DIS3L2: variants seen among roughly 807,000 people sequenced by gnomAD.
The protein encoded by DIS3L2 is DIS3-like exonuclease 2.
Under a neutral mutation model 97.5 loss-of-function variants are expected in DIS3L2, and 34 were observed. That is an observed-to-expected ratio of 0.35 (90% CI 0.27 to 0.46). DIS3L2 has a LOEUF of 0.46. Among genes scored for constraint, DIS3L2 ranks in the 20% least tolerant of loss-of-function variants. The pLI is 1.00. For synonymous variants in DIS3L2, 435 were observed against 445.2 expected (o/e 0.98, Z 0.29); for missense variants, 1,038 against 1,146.0 (o/e 0.91, Z 1.36).
At chr2:232,235,830 G>A (rs182771905) in intron 10 of DIS3L2, among the ~76,000 whole-genome samples, 21 of 152,254 alleles carry the variant, frequency 1.4e-4, no homozygotes, top group African/African-American at 4.6e-4. Context: ...GAGACTCTTG[G>A]CTGAATTCAC....
At chr2:232,010,321 A>C (rs1694162599) in intron 1 of DIS3L2, among the ~76,000 whole-genome samples, 1 of 150,864 alleles carries the variant, frequency 6.6e-6, no homozygotes, top group African/African-American at 2.4e-5. Flanking sequence ...TCTGTCTCTC[A>C]TTTTTGAACA....
chr2:232,203,860 G>A (rs1300909769), intron 9 of DIS3L2, among the ~76,000 whole-genome samples: 2 of 152,170 alleles, frequency 1.3e-5, no homozygotes, highest in African/African-American at 4.8e-5. Flanking sequence ...TTAGACATTG[G>A]AGATTGGTAG....
chr2:232,336,390 G>A (rs761380908), intron 20 of DIS3L2, 79 bp from the exon 21 acceptor site: 1 of 1,552,416 alleles, frequency 6.4e-7, no homozygotes, highest in Admixed American at 1.9e-5. Context: ...CAGGGGTCCT[G>A]CTGCAGGGAT....
At chr2:232,333,186 C>T (rs550329057) in intron 16 of DIS3L2, among the ~76,000 whole-genome samples, 7 of 16,000 alleles carry the variant, frequency 4.4e-4, no homozygotes, top group South Asian at 6.0e-3. Flanking sequence ...GCCTCCTCCT[C>T]CTCCTCCTCC....
At chr2:232,101,435 A>C (rs1247128995) in intron 6 of DIS3L2, among the ~76,000 whole-genome samples, 1 of 152,184 alleles carries the variant, frequency 6.6e-6, no homozygotes, top group Non-Finnish European at 1.5e-5. Context: ...TATGTGGATA[A>C]CTATTTGTAC....
intron 5 of DIS3L2, among the ~76,000 whole-genome samples, chr2:232,070,981 G>A (rs1696000029): frequency 6.6e-6 from 1 of 152,128 alleles, no homozygotes; most frequent in Non-Finnish European, 1.5e-5. Context: ...TGGGAACAGT[G>A]TCCAGAGGCC....
At chr2:232,090,592 G>T (rs1696807906) in intron 6 of DIS3L2, among the ~76,000 whole-genome samples, 1 of 152,204 alleles carries the variant, frequency 6.6e-6, no homozygotes, top group Non-Finnish European at 1.5e-5. Flanking sequence ...CCATTAGGAT[G>T]TTAGTACTTT....
chr2:232,329,785 T>TGCCCGGGGGGGGCC, intron 14 of DIS3L2, 28 bp from the exon 15 acceptor site: 328 of 966,996 alleles, frequency 3.4e-4, no homozygotes, highest in Non-Finnish European at 4.2e-4. Context: ...ACCCCAGCGG[T>TGCCCGGGGGGGGCC]CCCTCCCATC....
chr2:232,147,370 AGTTT>A (rs1690248063), intron 8 of DIS3L2, among the ~76,000 whole-genome samples: 1 of 152,128 alleles, frequency 6.6e-6, no homozygotes, highest in Middle Eastern at 3.2e-3. Context: ...CTCCAAAACT[AGTTT>A]TTTTCTCTTA....
intron 13 of DIS3L2, among the ~76,000 whole-genome samples, chr2:232,295,075 CCTAA>C (rs1240711248): frequency 1.3e-5 from 2 of 152,134 alleles, no homozygotes; most frequent in South Asian, 2.1e-4. Flanking sequence ...CTTGGACCAA[CCTAA>C]CTTTCTTCAC....
exon 14 of DIS3L2, chr2:232,343,553 A>G: frequency 6.4e-7 from 1 of 1,569,762 alleles, no homozygotes; most frequent in Non-Finnish European, 8.6e-7. Context: ...GTAGAGGAGC[A>G]GACAACCCAG....
intron 5 of DIS3L2, among the ~76,000 whole-genome samples, chr2:232,068,029 A>G (rs951869024): frequency 1.3e-5 from 2 of 152,186 alleles, no homozygotes; most frequent in Non-Finnish European, 1.5e-5. Flanking sequence ...TCCAAGGAGC[A>G]AAACCCTCAG....
At chr2:232,051,173 A>T (rs1316768128) in intron 5 of DIS3L2, among the ~76,000 whole-genome samples, 1 of 152,206 alleles carries the variant, frequency 6.6e-6, no homozygotes, top group African/African-American at 2.4e-5. Flanking sequence ...TCTCCATTCT[A>T]GATCCTTTGT....
chr2:232,321,238 C>T (rs1695422867), intron 14 of DIS3L2, among the ~76,000 whole-genome samples: 1 of 152,192 alleles, frequency 6.6e-6, no homozygotes, highest in Non-Finnish European at 1.5e-5. Flanking sequence ...GCACTAGCAG[C>T]TAAGGACCTC....
At position 232,336,952 on chromosome 2, in the gene DIS3L2, A is replaced by G. The variant is rs959245232; in HGVS notation, c.*322A>G. The G allele has an allele frequency of 4.2e-6, 5 of 1,181,732 alleles. No individual in the cohort carries two copies. The African/African-American group carries it at 8.1e-5, about 19-fold the overall frequency. The allele number at this position is 1,181,732 out of a possible 1,614,324, so 73.2% of individuals were successfully genotyped here. On this transcript the variant is annotated 3_prime_UTR_variant, in exon 21 of 21. Coordinates refer to ENST00000325385, the MANE Select transcript of DIS3L2 (RefSeq NM_152383.5). ...GGGGGTTTCAGCAACTCAGTGTCAC[A>G]GAATAAAATCAAGTGTGGAGTGCCA...
downstream of DIS3L2, chr2:232,341,087 C>T (rs546714173): frequency 7.4e-5 from 28 of 377,010 alleles, no homozygotes; most frequent in Admixed American, 5.5e-4. Context: ...CACATTTCAG[C>T]GCCACTAGAG....
rs540938976 is a variant in DIS3L2, at chr2:232,293,369, G to A, written c.1660-6671G>A. On this transcript the variant is annotated intron_variant, in intron 13 of 20. Transcript: ENST00000325385. The surrounding 1 kb of genome is among the most constrained non-coding windows in gnomAD (Gnocchi z 4.6). ...CAGTGATAAGGACACCGATTGCCCA[G>A]GAGACCTGGTGAAGCCACCCTTGGA... Among the ~76,000 whole-genome samples, 13 of 152,316 alleles carry A rather than the reference G, an allele frequency of 8.5e-5. No individual in the cohort carries two copies. In the East Asian group the frequency reaches 2.5e-3, roughly 29 times the overall value.
chr2:232,006,953 TG>T (rs1344890683), intron 1 of DIS3L2, among the ~76,000 whole-genome samples: 1 of 152,196 alleles, frequency 6.6e-6, no homozygotes, highest in Non-Finnish European at 1.5e-5. Context: ...ATAGAGAAGA[TG>T]ATAGACGTCA....
chr2:232,340,614 C>T, downstream of DIS3L2: 1 of 457,730 alleles, frequency 2.2e-6, no homozygotes, highest in Non-Finnish European at 4.5e-6. Context: ...GCGCTCAGGG[C>T]ATGGATAGCC....
Sources: allele counts gnomAD v4.1 joint callset (sites outside exome capture counted in the v4.1 genomes callset), GRCh38; gene constraint gnomAD v4.1.1; non-coding constraint Gnocchi (gnomAD v3.1); transcripts MANE v1.5; gene names NCBI Gene and HGNC (gene_info 2026-07-23, HGNC 2026-07-21).